ENOX1: variants seen among roughly 807,000 people sequenced by gnomAD.
The protein encoded by ENOX1 is candidate growth-related and time keeping constitutive hydroquinone (NADH) oxidase.
A neutral mutation model predicts 82.5 loss-of-function variants in ENOX1; 42 were observed. The observed-to-expected ratio is 0.51, with a 90% CI of 0.40 to 0.66. The LOEUF is 0.66. Ranked by LOEUF, ENOX1 falls within the 30% of genes least tolerant of loss-of-function variation. ENOX1 has a pLI of 0.00. For missense variants in ENOX1, 608 were observed against 811.6 expected (o/e 0.75, Z 3.05); for synonymous variants, 271 against 282.2 (o/e 0.96, Z 0.40).
At chr13:43,311,359 T>C (rs563329746) in intron 11 of ENOX1, among the ~76,000 whole-genome samples, 1 of 15,722 alleles carries the variant, frequency 6.4e-5, no homozygotes, top group East Asian at 7.4e-3. Context: ...AAATAGGTAA[T>C]AGGGTTTTTT....
chr13:43,610,364 A>T (rs959737806), intron 2 of ENOX1, among the ~76,000 whole-genome samples: 1 of 151,844 alleles, frequency 6.6e-6, no homozygotes, highest in African/African-American at 2.4e-5. Context: ...CTCCACACCC[A>T]CCCCACACAA....
chr13:43,433,613 T>C (rs1467415972), intron 3 of ENOX1, among the ~76,000 whole-genome samples: 1 of 152,258 alleles, frequency 6.6e-6, no homozygotes, highest in Non-Finnish European at 1.5e-5. Context: ...ATCCTATCCA[T>C]AATTTCCTAA....
chr13:43,523,232 ACC>A (rs2077848500), intron 2 of ENOX1, among the ~76,000 whole-genome samples: 2 of 152,162 alleles, frequency 1.3e-5, no homozygotes, highest in Non-Finnish European at 2.9e-5. Flanking sequence ...AGTTCCTTGA[ACC>A]TAACCCAGAT....
chr13:43,390,846 G>C (rs2052727571), intron 5 of ENOX1, among the ~76,000 whole-genome samples: 1 of 151,584 alleles, frequency 6.6e-6, no homozygotes, highest in African/African-American at 2.4e-5. Context: ...CTTTCTCCCT[G>C]CCTCCCTTCC....
intron 2 of ENOX1, among the ~76,000 whole-genome samples, chr13:43,586,588 AGAG>A (rs2080995781): frequency 6.6e-6 from 1 of 152,204 alleles, no homozygotes; most frequent in African/African-American, 2.4e-5. Flanking sequence ...CTCTGAATGA[AGAG>A]GAGGGGGCAA....
chr13:43,280,512 A>G (rs1040992931), intron 12 of ENOX1, among the ~76,000 whole-genome samples: 16 of 152,252 alleles, frequency 1.1e-4, no homozygotes, highest in Non-Finnish European at 2.9e-5. Context: ...GTTGGAGTCC[A>G]GAGAGCTTTT....
chr13:43,280,139 G>A (rs2045294538), intron 12 of ENOX1, among the ~76,000 whole-genome samples: 1 of 152,216 alleles, frequency 6.6e-6, no homozygotes, highest in African/African-American at 2.4e-5. Context: ...ATATTAACAT[G>A]CTTTCCAGCC....
intron 5 of ENOX1, among the ~76,000 whole-genome samples, chr13:43,373,016 T>C (rs916500423): frequency 8.5e-5 from 13 of 152,178 alleles, no homozygotes; most frequent in Admixed American, 2.6e-4. Context: ...AATTAAAATA[T>C]GTACAAGGCT....
chr13:43,411,627 T>C (rs560808601), intron 5 of ENOX1, among the ~76,000 whole-genome samples: 107 of 152,186 alleles, frequency 7.0e-4, no homozygotes, highest in Admixed American at 1.2e-3. Context: ...GTTTTGCAAA[T>C]TGGAAAGCAA....
intron 11 of ENOX1, among the ~76,000 whole-genome samples, chr13:43,304,630 G>T (rs1474745200): frequency 6.6e-6 from 1 of 152,122 alleles, no homozygotes; most frequent in Non-Finnish European, 1.5e-5. Flanking sequence ...TAAACATGCA[G>T]GTATTTTCTG....
chr13:43,692,246 A>C (rs936559325), intron 1 of ENOX1, among the ~76,000 whole-genome samples: 1 of 152,230 alleles, frequency 6.6e-6, no homozygotes, highest in East Asian at 1.9e-4. Context: ...AGAAAAAATA[A>C]TTTTGGATTC....
chr13:43,349,525 T>C (rs1204832473), intron 8 of ENOX1, among the ~76,000 whole-genome samples: 1 of 146,638 alleles, frequency 6.8e-6, no homozygotes, highest in Non-Finnish European at 1.5e-5. Flanking sequence ...TCCACATTTA[T>C]TGAGTACTTG....
rs1367157160 is a variant in ENOX1, at chr13:43,581,591, C to T, written c.-219+85888G>A. ...ACAAAGAATTATCATACAAGTGACACAAAAAAGTTTTAAAAACATTTTCCA... is the reference window on the plus strand; with the variant it reads ...ACAAAGAATTATCATACAAGTGACATAAAAAAGTTTTAAAAACATTTTCCA... On this transcript the variant is annotated intron_variant, in intron 2 of 16. Coordinates refer to ENST00000690772, the MANE Select transcript of ENOX1 (RefSeq NM_001347969.2). 2.6e-5 allele frequency among the ~76,000 whole-genome samples: 4 copies of T among 152,156 alleles called. No homozygotes were observed. The South Asian group carries it at 6.2e-4, about 24-fold the overall frequency.
chr13:43,268,185 TGA>T (rs1339563108), intron 13 of ENOX1, among the ~76,000 whole-genome samples: 3 of 151,842 alleles, frequency 2.0e-5, no homozygotes, highest in African/African-American at 7.3e-5. Context: ...AAAATCGGGG[TGA>T]GAGAGCAGAA....
intron 1 of ENOX1, among the ~76,000 whole-genome samples, chr13:43,747,640 C>T (rs905275918): frequency 2.6e-4 from 40 of 152,220 alleles, no homozygotes; most frequent in African/African-American, 9.4e-4. Flanking sequence ...CCTCTGGTGC[C>T]AACACCTATG....
At chr13:43,364,559 A>C (rs375607101) in intron 5 of ENOX1, among the ~76,000 whole-genome samples, 64 of 137,786 alleles carry the variant, frequency 4.6e-4, no homozygotes, top group South Asian at 2.0e-3. Flanking sequence ...AACAAACAAA[A>C]AAAAATCCTG....
chr13:43,747,232 A>G (rs1412428305), intron 1 of ENOX1, among the ~76,000 whole-genome samples: 1 of 152,208 alleles, frequency 6.6e-6, no homozygotes, highest in Non-Finnish European at 1.5e-5. Flanking sequence ...CCTGGGACAT[A>G]GTAGACTCTC....
intron 5 of ENOX1, among the ~76,000 whole-genome samples, chr13:43,411,410 C>G (rs1035300941): frequency 6.6e-6 from 1 of 152,084 alleles, no homozygotes; most frequent in African/African-American, 2.4e-5. Context: ...GATTTCACCA[C>G]GTGGTGGACA....
chr13:43,289,612 C>T (rs2045889016), intron 12 of ENOX1, among the ~76,000 whole-genome samples: 1 of 152,160 alleles, frequency 6.6e-6, no homozygotes, highest in African/African-American at 2.4e-5. Context: ...AGACCTCAAA[C>T]TATAAAAATC....
Sources: allele counts gnomAD v4.1 joint callset (sites outside exome capture counted in the v4.1 genomes callset), GRCh38; gene constraint gnomAD v4.1.1; transcripts MANE v1.5; gene names NCBI Gene and HGNC (gene_info 2026-07-23, HGNC 2026-07-21).